The following TGFB2 variants were observed in gnomAD, a reference collection of about 807,000 sequenced individuals.
TGFB2 encodes transforming growth factor beta-2 proprotein.
A neutral mutation model predicts 42.7 loss-of-function variants in TGFB2; 13 were observed. The ratio of observed to expected loss-of-function variants is 0.30; its 90% CI spans 0.20 to 0.48. The LOEUF (loss-of-function observed/expected upper bound fraction) is 0.48, where lower values mean the gene tolerates loss of function less well. Ranked by LOEUF, TGFB2 falls within the 20% of genes least tolerant of loss-of-function variation. The pLI is 0.99. For synonymous variants in TGFB2, 193 were observed against 193.6 expected, an observed-to-expected ratio of 1.00 and a Z score of 0.03; for missense variants, 390 against 517.5, an observed-to-expected ratio of 0.75 and a Z score of 2.39.
chr1:218,440,009 C>G (rs775406773), intron 6 of TGFB2, among the ~76,000 whole-genome samples: 11 of 152,156 alleles, frequency 7.2e-5, no homozygotes, highest in Non-Finnish European at 1.3e-4. Flanking sequence ...TAATGGCATC[C>G]TTGGAAATGT....
intron 2 of TGFB2, among the ~76,000 whole-genome samples, chr1:218,417,998 C>G (rs1659336255): frequency 6.6e-6 from 1 of 152,230 alleles, no homozygotes; most frequent in East Asian, 1.9e-4. Flanking sequence ...AGAACCTCTG[C>G]TAGGGCAGTG....
At chr1:218,429,864 A>G (rs935620312) in intron 2 of TGFB2, among the ~76,000 whole-genome samples, 1 of 152,200 alleles carries the variant, frequency 6.6e-6, no homozygotes, top group Non-Finnish European at 1.5e-5. Context: ...TTAGAAATGT[A>G]TATCATTTCA....
intron 1 of TGFB2, among the ~76,000 whole-genome samples, chr1:218,354,251 G>A (rs970384707): frequency 6.6e-6 from 1 of 152,192 alleles, no homozygotes; most frequent in Non-Finnish European, 1.5e-5. Context: ...TGAGTTCAAA[G>A]AGGTGTCAGG....
intron 2 of TGFB2, among the ~76,000 whole-genome samples, chr1:218,415,722 A>AAAAAAAG (rs1558253462): frequency 2.0e-5 from 3 of 149,898 alleles, no homozygotes; most frequent in Admixed American, 6.6e-5. Flanking sequence ...AAAAAAAAAA[A>AAAAAAAG]AAGTTGCAGA....
intron 1 of TGFB2, among the ~76,000 whole-genome samples, chr1:218,392,577 G>A (rs2102580057): frequency 6.6e-6 from 1 of 152,316 alleles, no homozygotes; most frequent in South Asian, 2.1e-4. Context: ...CTCTGTCACT[G>A]AAGGGTTCTG....
chr1:218,433,850 T>C (rs1354819901), intron 2 of TGFB2, among the ~76,000 whole-genome samples: 1 of 152,234 alleles, frequency 6.6e-6, no homozygotes, highest in African/African-American at 2.4e-5. Flanking sequence ...GGCTTTATGG[T>C]TCCTGTCACC....
At chr1:218,430,788 A>T (rs963145587) in intron 2 of TGFB2, among the ~76,000 whole-genome samples, 6 of 152,230 alleles carry the variant, frequency 3.9e-5, no homozygotes, top group Non-Finnish European at 8.8e-5. Flanking sequence ...AAGCTGTAGG[A>T]GGAATACTTT....
chr1:218,381,950 G>T (rs557829533), intron 1 of TGFB2, among the ~76,000 whole-genome samples: 1 of 152,276 alleles, frequency 6.6e-6, no homozygotes, highest in South Asian at 2.1e-4. Context: ...AGAAGCACAT[G>T]TGCAATGTCT....
At chr1:218,366,546 C>A (rs2102549261) in intron 1 of TGFB2, among the ~76,000 whole-genome samples, 1 of 152,294 alleles carries the variant, frequency 6.6e-6, no homozygotes, top group South Asian at 2.1e-4. Flanking sequence ...TCTGACCTCA[C>A]ACAGTCCTCC....
intron 2 of TGFB2, among the ~76,000 whole-genome samples, chr1:218,411,285 G>A (rs188935890): frequency 6.6e-6 from 1 of 152,228 alleles, no homozygotes; most frequent in African/African-American, 2.4e-5. Context: ...AGTTTTTGTG[G>A]GTCAGAAATT....
intron 1 of TGFB2, among the ~76,000 whole-genome samples, chr1:218,371,013 T>C (rs1438940230): frequency 6.6e-6 from 1 of 152,140 alleles, no homozygotes; most frequent in Non-Finnish European, 1.5e-5. Flanking sequence ...TTAAAAAAAC[T>C]TTCTGGCTGG....
chr1:218,357,861 A>G (rs1657091798), intron 1 of TGFB2, among the ~76,000 whole-genome samples: 1 of 152,194 alleles, frequency 6.6e-6, no homozygotes. Context: ...CTGAAGAAAA[A>G]GTCATGGAGT....
chr1:218,370,675 G>A (rs1476880919), intron 1 of TGFB2, among the ~76,000 whole-genome samples: 2 of 152,164 alleles, frequency 1.3e-5, no homozygotes, highest in Non-Finnish European at 2.9e-5. Flanking sequence ...TTTCTCGCAC[G>A]TTCATATAGA....
At chr1:218,417,379 G>C (rs372346720) in intron 2 of TGFB2, among the ~76,000 whole-genome samples, 136 of 152,358 alleles carry the variant, frequency 8.9e-4, no homozygotes, top group African/African-American at 3.2e-3. Flanking sequence ...CTTTGAACTT[G>C]AGACAGATGA....
At position 218,397,533 on chromosome 1, in the gene TGFB2, C is replaced by CA. The variant is rs1364184728; in HGVS notation, c.347-7634dup. Among the ~76,000 whole-genome samples, 3 of 142,680 alleles carry CA rather than the reference C, an allele frequency of 2.1e-5. No individual in the cohort carries two copies. In the Admixed American group the frequency reaches 2.2e-4, roughly 10 times the overall value. The allele number at this position is 142,680 out of a possible 152,430, so 93.6% of individuals were successfully genotyped here. A position where few individuals can be genotyped will look rare whatever the true frequency, so the allele number is the denominator to read the frequency against. ...GAGCCGAGATCGCGCCACTGCACTC[C>CA]AACCTGTGCAACAGAGCGAGACTCC... On this transcript the variant is annotated intron_variant, in intron 1 of 6. Coordinates refer to ENST00000366930, the MANE Select transcript of TGFB2 (RefSeq NM_003238.6).
intron 1 of TGFB2, among the ~76,000 whole-genome samples, chr1:218,379,271 T>C (rs2102564013): frequency 1.3e-5 from 2 of 151,824 alleles, no homozygotes; most frequent in South Asian, 4.2e-4. Context: ...TAGCTGGGAC[T>C]ACAGGCGCCC....
intron 1 of TGFB2, among the ~76,000 whole-genome samples, chr1:218,389,154 A>G (rs1658235407): frequency 6.6e-6 from 1 of 152,212 alleles, no homozygotes; most frequent in South Asian, 2.1e-4. Flanking sequence ...TCAGGCTAGG[A>G]TGAAATAGTA....
At chr1:218,379,728 A>G (rs1657895947) in intron 1 of TGFB2, among the ~76,000 whole-genome samples, 2 of 152,036 alleles carry the variant, frequency 1.3e-5, no homozygotes, top group Admixed American at 6.5e-5. Context: ...TGATTTTTCA[A>G]TCGGGGTAGA....
At chr1:218,376,133 A>G (rs955896845) in intron 1 of TGFB2, among the ~76,000 whole-genome samples, 1 of 152,190 alleles carries the variant, frequency 6.6e-6, no homozygotes, top group Non-Finnish European at 1.5e-5. Flanking sequence ...TAGATTGCAC[A>G]CTTAAAAATG....
Sources: gnomAD v4.1 joint callset for allele counts (sites outside exome capture counted in the v4.1 genomes callset) on GRCh38, gnomAD v4.1.1 for gene constraint, MANE v1.5 for transcripts, NCBI Gene and HGNC (gene_info 2026-07-23, HGNC 2026-07-21) for gene names.